The following ZMIZ1 variants were observed in gnomAD, a reference collection of about 807,000 sequenced individuals.
The protein encoded by ZMIZ1 is zinc finger MIZ domain-containing protein 1.
ZMIZ1 carries 17 observed loss-of-function variants against 113.9 expected under a neutral mutation model. That is an observed-to-expected ratio of 0.15 (90% confidence interval 0.10 to 0.22). The LOEUF is 0.22. Ranked by LOEUF, ZMIZ1 falls within the 10% of genes least tolerant of loss-of-function variation. ZMIZ1 has a pLI of 1.00. For synonymous variants in ZMIZ1, 607 were observed against 603.1 expected (o/e 1.01, Z -0.09); for missense variants, 1,059 against 1,477.8 (o/e 0.72, Z 4.65).
rs1219043092 is a variant in ZMIZ1, at chr10:79,298,451, C to G, written c.1537C>G (p.Pro513Ala). The stretch of plus-strand genomic sequence containing the variant: ...GGCAAATTACCCCCACTCACCTGTT[C>G]CAGGGAACCCCACACCCCCCATGAC... ...PVANYPHSPV[P>A]GNPTPPMTPG... is the part of the protein sequence containing the mutation. Residue 513 changes from proline (P) to alanine (A), a missense_variant, in exon 15 of 25, where the codon CCA (proline) becomes GCA (alanine). By Grantham distance (27) the Pro-to-Ala change is conservative. Around this residue, in one of 6 missense-constraint regions of ZMIZ1, gnomAD observed 239 missense variants for 247.5 expected, o/e 0.97. Coordinates refer to ENST00000334512, the MANE Select transcript of ZMIZ1 (RefSeq NM_020338.4). The G allele has an allele frequency of 6.2e-7, 1 of 1,608,782 alleles. No individual in the cohort carries two copies. The highest frequency in any genetic ancestry group is 1.3e-5 in the African/African-American group (1 of 74,388).
At chr10:79,279,224 G>C (rs111397976) in intron 8 of ZMIZ1, among the ~76,000 whole-genome samples, 6,030 of 150,398 alleles carry the variant, frequency 0.04, 146 homozygotes, top group Middle Eastern at 0.066. Flanking sequence ...GCTGCCGGGC[G>C]GTGGGGCTCC....
chr10:79,267,092 T>G (rs1174458420), intron 7 of ZMIZ1, among the ~76,000 whole-genome samples: 1 of 152,252 alleles, frequency 6.6e-6, no homozygotes, highest in African/African-American at 2.4e-5. Context: ...GGAAGGGGTC[T>G]GCCTAGACCA....
Position 79,247,551 on chromosome 10 carries a change from G to C in ZMIZ1, c.281-29630G>C, listed in dbSNP as rs12241075. On this transcript the variant is annotated intron_variant, in intron 7 of 24. Coordinates refer to ENST00000334512, the MANE Select transcript of ZMIZ1 (RefSeq NM_020338.4). ...TCTCAGTAGCCCCAGCCATGGCCCT[G>C]ACTTCTCCTTAGAGCCACCCTGGGG... 4.8e-3 allele frequency among the ~76,000 whole-genome samples: 735 copies of C among 152,322 alleles called. 9 individuals carry two copies. Among genetic ancestry groups the C allele is most frequent in the African/African-American group, 0.016 (674 of 41,580 alleles).
chr10:79,132,771 G>A (rs960058464), intron 2 of ZMIZ1, among the ~76,000 whole-genome samples: 1 of 152,206 alleles, frequency 6.6e-6, no homozygotes, highest in African/African-American at 2.4e-5. Context: ...AGGCAGTGGG[G>A]TGGGGGCAGG....
At chr10:79,080,300 C>CTTT (rs10592440) in intron 1 of ZMIZ1, among the ~76,000 whole-genome samples, 12 of 85,010 alleles carry the variant, frequency 1.4e-4, no homozygotes, top group Admixed American at 2.6e-4. Flanking sequence ...TCGGGTGTGA[C>CTTT]TTTTTTTTTT....
intron 4 of ZMIZ1, among the ~76,000 whole-genome samples, chr10:79,201,340 C>T (rs1457620248): frequency 6.6e-6 from 1 of 152,230 alleles, no homozygotes; most frequent in Non-Finnish European, 1.5e-5. Context: ...ATGTGTGCAC[C>T]TGCATGTGCA....
At chr10:79,307,304 G>A in intron 22 of ZMIZ1, 101 bp from the exon 23 acceptor site, 1 of 1,257,222 alleles carries the variant, frequency 8.0e-7, no homozygotes, top group East Asian at 2.4e-5. Context: ...CTCGCAAGAG[G>A]AAAAGGACTT....
intron 4 of ZMIZ1, among the ~76,000 whole-genome samples, chr10:79,165,406 G>A (rs2132507595): frequency 6.6e-6 from 1 of 152,290 alleles, no homozygotes. Context: ...AGTGGCTCTG[G>A]GAGACTCAGA....
rs776146773 is a variant in ZMIZ1, at chr10:79,293,444, T to G, written c.1021T>G (p.Ser341Ala). The part of the protein sequence containing the change: ...MNQPGPRGPA[S>A]MGGSMNPASM... ...CCAGCCCGGGCCGCGGGGGCCTGCC[T>G]CCATGGGGGGCAGCATGAACCCCGC... is the stretch of plus-strand genomic sequence containing the variant. The change falls in exon 12 of 25, where the codon TCC (serine) becomes GCC (alanine). Residue 341 changes from serine to alanine, a missense_variant. Coordinates refer to ENST00000334512, the MANE Select transcript of ZMIZ1 (RefSeq NM_020338.4). 1.8e-5 allele frequency: 28 copies of G among 1,536,876 alleles called. No homozygotes were observed. Among genetic ancestry groups the G allele is most frequent in the Non-Finnish European group, 2.1e-5 (24 of 1,142,054 alleles).
intron 8 of ZMIZ1, among the ~76,000 whole-genome samples, chr10:79,289,300 G>T (rs1373842348): frequency 1.3e-5 from 2 of 152,172 alleles, no homozygotes; most frequent in Non-Finnish European, 2.9e-5. Context: ...GCTGTGAAGG[G>T]CTGGGAGGTA....
intron 18 of ZMIZ1, among the ~76,000 whole-genome samples, chr10:79,302,622 T>C (rs974153121): frequency 1.4e-5 from 2 of 147,198 alleles, no homozygotes; most frequent in Admixed American, 6.8e-5. Flanking sequence ...GGGATCTTCA[T>C]CAGGCAGAAG....
chr10:79,253,485 T>C (rs1263955278), intron 7 of ZMIZ1, among the ~76,000 whole-genome samples: 1 of 152,138 alleles, frequency 6.6e-6, no homozygotes, highest in Non-Finnish European at 1.5e-5. Flanking sequence ...TCTTGGATTG[T>C]CTTGGGCGTT....
intron 1 of ZMIZ1, among the ~76,000 whole-genome samples, chr10:79,099,763 G>A (rs577329299): frequency 6.6e-6 from 1 of 152,316 alleles, no homozygotes; most frequent in Non-Finnish European, 1.5e-5. Context: ...TGGAGGAAGT[G>A]TCCCTTCCTG....
intron 1 of ZMIZ1, among the ~76,000 whole-genome samples, chr10:79,101,593 A>T (rs147146946): frequency 6.6e-6 from 1 of 152,268 alleles, no homozygotes; most frequent in Non-Finnish European, 1.5e-5. Context: ...GGCCACGTTC[A>T]CAGGACCCGT....
At chr10:79,200,488 G>A (rs779442107) in intron 4 of ZMIZ1, among the ~76,000 whole-genome samples, 3 of 152,174 alleles carry the variant, frequency 2.0e-5, no homozygotes, top group Admixed American at 6.5e-5. Context: ...TAATGGCCCT[G>A]AGCACTCCCT....
chr10:79,240,447 G>A (rs989912571), intron 7 of ZMIZ1, among the ~76,000 whole-genome samples: 2 of 152,170 alleles, frequency 1.3e-5, no homozygotes, highest in Non-Finnish European at 2.9e-5. Flanking sequence ...ACTGGTTGGA[G>A]TGCCCGTATT....
intron 2 of ZMIZ1, among the ~76,000 whole-genome samples, chr10:79,120,225 G>A (rs1039245757): frequency 3.9e-5 from 6 of 152,212 alleles, no homozygotes; most frequent in South Asian, 4.1e-4. Flanking sequence ...CACAGACGTC[G>A]CTTCTGCATG....
intron 7 of ZMIZ1, among the ~76,000 whole-genome samples, chr10:79,266,985 A>G (rs1851644529): frequency 6.6e-6 from 1 of 152,230 alleles, no homozygotes; most frequent in Admixed American, 6.5e-5. Context: ...AATGGGGCTG[A>G]GGAGGGGCTT....
At chr10:79,168,309 G>A (rs1034179570) in intron 4 of ZMIZ1, among the ~76,000 whole-genome samples, 5 of 152,208 alleles carry the variant, frequency 3.3e-5, no homozygotes, top group African/African-American at 4.8e-5. Context: ...CAAGGGCTGC[G>A]GAGTTTGAGT....
Sources: allele counts gnomAD v4.1 joint callset (sites outside exome capture counted in the v4.1 genomes callset), GRCh38; gene constraint gnomAD v4.1.1; regional missense constraint gnomAD v4.1.1; transcripts MANE v1.5; gene names NCBI Gene and HGNC (gene_info 2026-07-23, HGNC 2026-07-21).